The following PTCHD4 variants were observed in gnomAD, a reference collection of about 807,000 sequenced individuals.
PTCHD4 encodes patched domain-containing protein 4.
PTCHD4 carries 33 observed loss-of-function variants against 58.1 expected under a neutral mutation model. That is an observed-to-expected ratio of 0.57 (90% CI 0.43 to 0.76). The LOEUF is 0.76. Ranked by LOEUF, PTCHD4 falls within the 30% of genes least tolerant of loss-of-function variation. The pLI is 0.00. For missense variants in PTCHD4, 1,058 were observed against 1,027.1 expected, an observed-to-expected ratio of 1.03 and a Z score of -0.41; for synonymous variants, 478 against 409.6, an observed-to-expected ratio of 1.17 and a Z score of -2.02.
rs1764889988 is a variant in PTCHD4, at chr6:48,068,629, C to A, written c.18G>T (p.Ala6=). Reference sequence around the variant, plus strand: ...TCCTCCACCAGATCCAGCTCGCAGGCGCTCCCGGCCGTCTTAAAAAGCACA... The same window carrying A: ...TCCTCCACCAGATCCAGCTCGCAGGAGCTCCCGGCCGTCTTAAAAAGCACA... MRRPG[A]PASWIWWRML... The change falls in exon 3 of 5, where the codon GCG becomes GCT. Residue 6 remains alanine (A), a synonymous_variant. Transcript: ENST00000339488. The surrounding 1 kb of genome is among the most constrained non-coding windows in gnomAD (Gnocchi z 4.2). The A allele has an allele frequency of 1.3e-6, 2 of 1,553,658 alleles. No individual in the cohort carries two copies. The highest frequency in any genetic ancestry group is 1.7e-6 in the Non-Finnish European group (2 of 1,154,628).
chr6:48,070,446 G>C (rs1483233415), intron 1 of PTCHD4, among the ~76,000 whole-genome samples: 1 of 152,084 alleles, frequency 6.6e-6, no homozygotes, highest in Non-Finnish European at 1.5e-5. Flanking sequence ...CAATGACACA[G>C]CAGAGAGCTC....
intron 4 of PTCHD4, among the ~76,000 whole-genome samples, chr6:47,880,326 G>A (rs926110451): frequency 2.0e-5 from 3 of 152,162 alleles, no homozygotes; most frequent in Admixed American, 6.6e-5. Context: ...CATGTCAAGT[G>A]CTTGGTTAAC....
chr6:47,974,966 A>C (rs934648653), intron 4 of PTCHD4, among the ~76,000 whole-genome samples: 1 of 152,122 alleles, frequency 6.6e-6, no homozygotes, highest in Non-Finnish European at 1.5e-5. Context: ...TTTACTAGGA[A>C]CCCTCCTACG....
intron 4 of PTCHD4, among the ~76,000 whole-genome samples, chr6:47,926,054 G>A (rs1405618256): frequency 6.6e-6 from 1 of 152,114 alleles, no homozygotes; most frequent in Non-Finnish European, 1.5e-5. Flanking sequence ...GCATTCAAAG[G>A]TGTTGTAGCT....
intron 4 of PTCHD4, among the ~76,000 whole-genome samples, chr6:48,005,578 A>G (rs1388662330): frequency 6.6e-6 from 1 of 152,198 alleles, no homozygotes; most frequent in Non-Finnish European, 1.5e-5. Flanking sequence ...CACCACCTTC[A>G]TAGCAATATG....
intron 3 of PTCHD4, among the ~76,000 whole-genome samples, chr6:48,064,711 A>G (rs181574684): frequency 6.6e-6 from 1 of 152,262 alleles, no homozygotes; most frequent in African/African-American, 2.4e-5. Context: ...TTAATCAATA[A>G]GTTAATGACT....
chr6:48,030,043 TC>T (rs1763381882), intron 3 of PTCHD4, among the ~76,000 whole-genome samples: 2 of 152,026 alleles, frequency 1.3e-5, no homozygotes, highest in South Asian at 4.2e-4. Context: ...TGGCTTGGCT[TC>T]CTATCCTTGA....
chr6:47,874,064 G>T lies in PTCHD4; in HGVS notation c.*4239C>A, dbSNP rs1387719115. On this transcript the variant is annotated 3_prime_UTR_variant, in exon 5 of 5. Coordinates refer to ENST00000339488, the MANE Select transcript of PTCHD4 (RefSeq NM_001384253.1). ...GACAATATCTAAATGTCAGTCTCAT[G>T]GCATTGTATTTTCTGCTTCACCATA... Among the ~76,000 whole-genome samples the T allele has an allele frequency of 2.6e-5, 4 of 151,674 alleles. No individual in the cohort carries two copies. Among genetic ancestry groups the T allele is most frequent in the East Asian group, 1.9e-4 (1 of 5,146 alleles).
At chr6:47,958,635 G>C (rs1388105989) in intron 4 of PTCHD4, among the ~76,000 whole-genome samples, 1 of 152,218 alleles carries the variant, frequency 6.6e-6, no homozygotes, top group African/African-American at 2.4e-5. Flanking sequence ...TACTGGAGAA[G>C]TAGCTACAGG....
At chr6:48,090,991 T>G (rs1242716511) in intron 1 of PTCHD4, among the ~76,000 whole-genome samples, 1 of 152,198 alleles carries the variant, frequency 6.6e-6, no homozygotes, top group Non-Finnish European at 1.5e-5. Flanking sequence ...CTATTAAATT[T>G]TATTTGAAAA....
intron 1 of PTCHD4, among the ~76,000 whole-genome samples, chr6:48,092,218 A>G (rs1562046617): frequency 6.6e-6 from 1 of 152,220 alleles, no homozygotes; most frequent in Non-Finnish European, 1.5e-5. Flanking sequence ...TTAAAATAGG[A>G]ATCCACTGAT....
intron 1 of PTCHD4, among the ~76,000 whole-genome samples, chr6:48,108,547 A>G (rs1354432827): frequency 1.3e-5 from 2 of 152,158 alleles, no homozygotes; most frequent in African/African-American, 2.4e-5. Flanking sequence ...GCACATGTAT[A>G]CATATGTAAC....
At chr6:47,962,536 G>A (rs1038141124) in intron 4 of PTCHD4, among the ~76,000 whole-genome samples, 1 of 152,102 alleles carries the variant, frequency 6.6e-6, no homozygotes, top group South Asian at 2.1e-4. Flanking sequence ...TAGTGAGTGA[G>A]TTCTCACGAG....
intron 4 of PTCHD4, among the ~76,000 whole-genome samples, chr6:47,905,571 A>G (rs916111380): frequency 6.6e-6 from 1 of 152,228 alleles, no homozygotes; most frequent in African/African-American, 2.4e-5. Flanking sequence ...TACTATGATA[A>G]ATTATAAATT....
chr6:47,886,893 A>G (rs1417092938), intron 4 of PTCHD4, among the ~76,000 whole-genome samples: 2 of 152,080 alleles, frequency 1.3e-5, no homozygotes, highest in Admixed American at 6.6e-5. Flanking sequence ...CATTCCACCA[A>G]CTTAGACATC....
chr6:48,009,232 G>T (rs1762584268), intron 3 of PTCHD4, 118 bp from the exon 4 acceptor site: 1 of 1,084,974 alleles, frequency 9.2e-7, no homozygotes, highest in Non-Finnish European at 1.3e-6. Context: ...TTGTGAAACT[G>T]ATGTGGGTGG....
In PTCHD4 at chr6:47,861,851, G is replaced by A. The variant is rs139995421; in HGVS notation, c.*16452C>T. Among the ~76,000 whole-genome samples the A allele has an allele frequency of 6.6e-6, 1 of 151,854 alleles. No individual in the cohort carries two copies. The highest frequency in any genetic ancestry group is 1.5e-5 in the Non-Finnish European group (1 of 67,870). On this transcript the variant is annotated 3_prime_UTR_variant, in exon 5 of 5. Transcript: ENST00000339488. Reference sequence around the variant, plus strand: ...TTTGTACATCACTTGGCACATTATAGGTTCTTAATCCATGTTTGTTGGATG... The same window carrying A: ...TTTGTACATCACTTGGCACATTATAAGTTCTTAATCCATGTTTGTTGGATG...
At chr6:47,917,752 A>G (rs2113879111) in intron 4 of PTCHD4, among the ~76,000 whole-genome samples, 1 of 152,292 alleles carries the variant, frequency 6.6e-6, no homozygotes, top group African/African-American at 2.4e-5. Context: ...ATTTCATCAT[A>G]CTTTCTTGAA....
At chr6:47,897,064 G>A (rs371635258) in intron 4 of PTCHD4, among the ~76,000 whole-genome samples, 13 of 151,980 alleles carry the variant, frequency 8.6e-5, no homozygotes, top group Non-Finnish European at 1.5e-4. Flanking sequence ...CTGAGCTCCC[G>A]TGTTTTCTGG....
Sources: gnomAD v4.1 joint callset for allele counts (sites outside exome capture counted in the v4.1 genomes callset) on GRCh38, gnomAD v4.1.1 for gene constraint, Gnocchi (gnomAD v3.1) non-coding constraint, MANE v1.5 for transcripts, NCBI Gene and HGNC (gene_info 2026-07-23, HGNC 2026-07-21) for gene names.